Variants in TRPM2 observed in about 807,000 individuals in gnomAD.
TRPM2 encodes transient receptor potential cation channel subfamily M member 2.
In TRPM2, 161 loss-of-function variants were observed where a neutral mutation model predicts 174.0. The ratio of observed to expected loss-of-function variants is 0.93; its 90% CI spans 0.81 to 1.05. The LOEUF (loss-of-function observed/expected upper bound fraction) is 1.05, where lower values mean the gene tolerates loss of function less well. Among genes scored for constraint, TRPM2 ranks in the 50% least tolerant of loss-of-function variants. The pLI, the probability that TRPM2 is intolerant of heterozygous loss-of-function variation, is 0.00. For synonymous variants in TRPM2, 954 were observed against 861.3 expected (o/e 1.11, Z -1.88); for missense variants, 2,057 against 2,038.0 (o/e 1.01, Z -0.18).
At chr21:44,385,024 C>A (rs190635958) in intron 9 of TRPM2, among the ~76,000 whole-genome samples, 2 of 152,146 alleles carry the variant, frequency 1.3e-5, no homozygotes, top group African/African-American at 4.8e-5. Flanking sequence ...AACATTGATA[C>A]GAAATTCTTC....
At position 44,418,570 on chromosome 21, in the gene TRPM2, GT is replaced by G; in HGVS notation, c.3461+16del. The stretch of plus-strand genomic sequence containing the variant: ...ATCAGCAATAAGTATGGGGGCTCCG[GT>G]GGGCCTGGGGGCGGGAAGCCTCTGG... On this transcript the variant is annotated intron_variant, in intron 22 of 31. Coordinates refer to ENST00000397928, the MANE Select transcript of TRPM2 (RefSeq NM_003307.4). The G allele has an allele frequency of 6.2e-7, 1 of 1,613,596 alleles. No homozygotes were observed. The highest frequency in any genetic ancestry group is 8.5e-7 in the Non-Finnish European group (1 of 1,179,730).
At chr21:44,413,456 T>C (rs1000378641) in intron 19 of TRPM2, among the ~76,000 whole-genome samples, 5 of 152,198 alleles carry the variant, frequency 3.3e-5, no homozygotes, top group African/African-American at 4.8e-5. Flanking sequence ...TTGACCAGGC[T>C]GGTCTCAAAC....
Position 44,423,693 on chromosome 21 carries a change from G to T in TRPM2, c.3510G>T (p.Ser1170=). ...DLLDLDPLKR[S]GSMEQRLASL... is the part of the protein sequence containing the mutation. ...TGGACCTGGACCCACTGAAGAGGTC[G>T]GGCTCCATGGAGCAGAGGTTGGCCT... The change falls in exon 23 of 32, where the codon TCG becomes TCT. Residue 1170 remains serine (S), a synonymous_variant. Transcript: ENST00000397928. The T allele has an allele frequency of 1.2e-6, 2 of 1,612,346 alleles. No homozygotes were observed. The highest frequency in any genetic ancestry group is 1.7e-5 in the Admixed American group (1 of 59,850).
chr21:44,404,380 T>TACAC (rs139087554), intron 16 of TRPM2, among the ~76,000 whole-genome samples: 6 of 150,518 alleles, frequency 4.0e-5, no homozygotes, highest in African/African-American at 1.2e-4. Flanking sequence ...CACACATACA[T>TACAC]ACACACACAT....
chr21:44,403,941 CAT>C (rs1186689466), intron 16 of TRPM2, among the ~76,000 whole-genome samples: 13 of 126,318 alleles, frequency 1.0e-4, no homozygotes, highest in Non-Finnish European at 1.8e-4. Flanking sequence ...ACAATATACA[CAT>C]ACACATATGC....
rs1480802103 is a variant in TRPM2, at chr21:44,401,811, A to G, written c.2452A>G (p.Met818Val). The G allele has an allele frequency of 3.1e-6, 5 of 1,613,700 alleles. No individual in the cohort carries two copies. In the African/African-American group the frequency reaches 4.0e-5, roughly 13 times the overall value. The change falls in exon 16 of 32, where the codon ATG (methionine) becomes GTG (valine). Residue 818 changes from methionine (M) to valine (V), a missense_variant. By Grantham distance (21) the Met-to-Val change is conservative. Transcript: ENST00000397928. ...CCTCTGCCTGTTCGCCTACGTGCTC[A>G]TGGTGGACTTCCAGCCTGTGCCCTC... ...AFLCLFAYVL[M>V]VDFQPVPSWC...
chr21:44,421,057 C>T (rs1354140016), intron 22 of TRPM2, among the ~76,000 whole-genome samples: 2 of 152,018 alleles, frequency 1.3e-5, no homozygotes, highest in African/African-American at 2.4e-5. Flanking sequence ...CGGTGGCTCA[C>T]GCCTGTAATC....
rs139554968 is a variant in TRPM2, at chr21:44,399,352, C to G, written c.2119C>G (p.Arg707Gly). The G allele has an allele frequency of 1.2e-6, 2 of 1,612,834 alleles. No homozygotes were observed. Among genetic ancestry groups the G allele is most frequent in the Non-Finnish European group, 1.7e-6 (2 of 1,179,916 alleles). Residue 707 changes from arginine to glycine, a missense_variant, in exon 14 of 32, where the codon CGC becomes GGC. By Grantham distance (125) the Arg-to-Gly change is moderately radical. Transcript: ENST00000397928. The surrounding 1 kb of genome is among the most constrained non-coding windows in gnomAD (Gnocchi z 4.6). ...DEERAQKLLTRVSEAWGKTTC... is the reference protein window; with the variant it reads ...DEERAQKLLTGVSEAWGKTTC... Reference sequence around the variant, plus strand: ...AGAGAGAGCCCAGAAACTGCTCACCCGCGTGTCCGAGGCCTGGGGGAAGAC... The same window carrying G: ...AGAGAGAGCCCAGAAACTGCTCACCGGCGTGTCCGAGGCCTGGGGGAAGAC...
rs200375079 is a variant in TRPM2, at chr21:44,379,056, C to A, written c.1074C>A (p.Arg358=). The A allele has an allele frequency of 6.2e-7, 1 of 1,611,708 alleles. No homozygotes were observed. Among genetic ancestry groups the A allele is most frequent in the South Asian group, 1.1e-5 (1 of 91,082 alleles). Reference sequence around the variant, plus strand: ...GTGTGGTTGTGGAGGGCTCGGGCCGCGTGGCCGACGTCATTGCCCAGGTGG... The same window carrying A: ...GTGTGGTTGTGGAGGGCTCGGGCCGAGTGGCCGACGTCATTGCCCAGGTGG... ...TPCVVVEGSG[R]VADVIAQVAN... is the part of the protein sequence containing the mutation. Residue 358 remains arginine, a synonymous_variant, in exon 8 of 32, where the codon CGC becomes CGA. Coordinates refer to ENST00000397928, the MANE Select transcript of TRPM2 (RefSeq NM_003307.4).
At chr21:44,352,645 A>G (rs2123002402), upstream of TRPM2, among the ~76,000 whole-genome samples, 1 of 152,296 alleles carries the variant, frequency 6.6e-6, no homozygotes, top group African/African-American at 2.4e-5. Context: ...GGATGACCTC[A>G]TGAGAACACT....
At chr21:44,408,654 C>CTTT (rs34026339) in intron 19 of TRPM2, among the ~76,000 whole-genome samples, 2 of 102,718 alleles carry the variant, frequency 1.9e-5, no homozygotes, top group African/African-American at 7.2e-5. Flanking sequence ...CTCCTTTGCC[C>CTTT]TTTTTTTTTT....
At chr21:44,400,226 G>A (rs1158435308) in intron 14 of TRPM2, 33 bp from the exon 15 acceptor site, 2 of 1,585,226 alleles carry the variant, frequency 1.3e-6, no homozygotes, top group African/African-American at 1.3e-5. Context: ...ACAGGGCTGG[G>A]CACTGCCATC....
chr21:44,432,590 C>T lies in TRPM2; in HGVS notation c.3975-2541C>T, dbSNP rs2051063794. Reference sequence around the variant, plus strand: ...AGGACCTCATCCCGGGAATGTCCTGCTCCTCCTGCACCCGGGTCCTCCTGC... The same window carrying T: ...AGGACCTCATCCCGGGAATGTCCTGTTCCTCCTGCACCCGGGTCCTCCTGC... On this transcript the variant is annotated intron_variant, in intron 27 of 31. Coordinates refer to ENST00000397928, the MANE Select transcript of TRPM2 (RefSeq NM_003307.4). This position sits in a 1 kb window ranked among gnomAD's most constrained non-coding sequence, Gnocchi z 4.9. Among the ~76,000 whole-genome samples, 1 of 152,220 alleles carries T rather than the reference C, an allele frequency of 6.6e-6. No homozygotes were observed. The highest frequency in any genetic ancestry group is 2.4e-5 in the African/African-American group (1 of 41,448).
chr21:44,404,515 G>A (rs1269937125), intron 16 of TRPM2, among the ~76,000 whole-genome samples: 1 of 152,216 alleles, frequency 6.6e-6, no homozygotes, highest in Non-Finnish European at 1.5e-5. Flanking sequence ...GCGCTATTCT[G>A]CATTGTTCCT....
intron 8 of TRPM2, among the ~76,000 whole-genome samples, chr21:44,381,176 A>C (rs1433014861): frequency 6.6e-6 from 1 of 151,892 alleles, no homozygotes; most frequent in African/African-American, 2.4e-5. Context: ...TGTGGAGGCA[A>C]TGGGGCCAGG....
upstream of TRPM2, among the ~76,000 whole-genome samples, chr21:44,351,125 C>T (rs2122996630): frequency 4.6e-5 from 7 of 152,226 alleles, no homozygotes; most frequent in Non-Finnish European, 8.8e-5. Context: ...CTTCCATTTC[C>T]CCGGGGAATC....
rs150955029 is a variant in TRPM2 at position 44,379,021 on chromosome 21, G to C, written c.1039G>C (p.Gly347Arg). Residue 347 changes from glycine to arginine, a missense_variant, in exon 8 of 32, where the codon GGC becomes CGC. By Grantham distance (125) the Gly-to-Arg change is moderately radical (BLOSUM62 -2). Transcript: ENST00000397928. ...LHTIDNATTN[G>R]TPCVVVEGSG... ...GACCATCGACAACGCCACCACCAAC[G>C]GCACCCCCTGTGTGGTTGTGGAGGG... is the stretch of plus-strand genomic sequence containing the variant. 1.6e-5 allele frequency: 26 copies of C among 1,608,302 alleles called. No individual in the cohort carries two copies. Among genetic ancestry groups the C allele is most frequent in the Non-Finnish European group, 2.2e-5 (26 of 1,179,936 alleles).
At chr21:44,428,430 GTGGCTCCTCCCCTTAGGTC>G (rs1569110364) in intron 27 of TRPM2, among the ~76,000 whole-genome samples, 42 of 117,380 alleles carry the variant, frequency 3.6e-4, no homozygotes, top group Non-Finnish European at 5.8e-4. Context: ...CCCCTTAGGT[GTGGCTCCTCCCCTTAGGTC>G]TGGCCCCTCC....
chr21:44,388,650 CAAAAAAA>C (rs60322957), intron 9 of TRPM2, among the ~76,000 whole-genome samples: 2 of 83,004 alleles, frequency 2.4e-5, no homozygotes, highest in African/African-American at 3.9e-5. Flanking sequence ...CCTGTCACTA[CAAAAAAA>C]AAAAAAAAAA....
Sources: allele counts gnomAD v4.1 joint callset (sites outside exome capture counted in the v4.1 genomes callset), GRCh38; gene constraint gnomAD v4.1.1; non-coding constraint Gnocchi (gnomAD v3.1); transcripts MANE v1.5; gene names NCBI Gene and HGNC (gene_info 2026-07-23, HGNC 2026-07-21).